The following PAPOLG variants were observed in gnomAD, a reference collection of about 807,000 sequenced individuals.
PAPOLG encodes the protein poly(A) polymerase gamma.
A neutral mutation model predicts 99.0 loss-of-function variants in PAPOLG; 40 were observed. The observed-to-expected ratio is 0.40, with a 90% CI of 0.31 to 0.53. The LOEUF is 0.53. PAPOLG is among the 20% of genes least tolerant of loss of function. The pLI is 0.41. For synonymous variants in PAPOLG, 310 were observed against 299.3 expected (o/e 1.04, Z -0.37); for missense variants, 675 against 884.1 (o/e 0.76, Z 3.00).
rs182835698 is a variant in PAPOLG, at chr2:60,797,092, T to C, written c.2143T>C (p.Ser715Pro). The C allele has an allele frequency of 1.2e-6, 2 of 1,613,308 alleles. No homozygotes were observed. Among genetic ancestry groups the C allele is most frequent in the Non-Finnish European group, 1.7e-6 (2 of 1,179,332 alleles). ...RLPSKELPDSSSPVPANNIRV... is the reference protein window; with the variant it reads ...RLPSKELPDSPSPVPANNIRV... ...ACCCAGTAAAGAACTACCAGATTCA[T>C]CATCTCCAGTTCCAGCAAACAACAT... Residue 715 changes from serine to proline, a missense_variant, in exon 22 of 22, where the codon TCA (serine) becomes CCA (proline). Coordinates refer to ENST00000238714, the MANE Select transcript of PAPOLG (RefSeq NM_022894.4).
intron 8 of PAPOLG, among the ~76,000 whole-genome samples, chr2:60,775,762 C>CT (rs56074091): frequency 3.3e-4 from 48 of 145,984 alleles, no homozygotes; most frequent in Non-Finnish European, 4.7e-4. Flanking sequence ...ATACTGTAGT[C>CT]TTTTTTTTTT....
chr2:60,789,092 C>A, intron 15 of PAPOLG, among the ~76,000 whole-genome samples: 1 of 151,992 alleles, frequency 6.6e-6, no homozygotes, highest in Non-Finnish European at 1.5e-5. Flanking sequence ...AAACCAAACA[C>A]CACATATTCT....
intron 6 of PAPOLG, 43 bp downstream of exon 6, chr2:60,770,554 A>C: frequency 7.7e-7 from 1 of 1,300,996 alleles, no homozygotes; most frequent in Non-Finnish European, 1.1e-6. Flanking sequence ...TGAACTGTTT[A>C]AACTTGTAAG....
chr2:60,787,558 T>C lies in PAPOLG; in HGVS notation c.1334T>C (p.Val445Ala). Reference protein sequence around the residue: ...MWFLGIIFRRVENAESVNIDL... With the variant: ...MWFLGIIFRRAENAESVNIDL... Reference sequence around the variant, plus strand: ...TTCCTTGGGATAATTTTTCGGAGAGTAGAAAATGCAGAAAGTGTCAACATA... The same window carrying C: ...TTCCTTGGGATAATTTTTCGGAGAGCAGAAAATGCAGAAAGTGTCAACATA... The change falls in exon 15 of 22, where the codon GTA becomes GCA. Residue 445 changes from valine to alanine, a missense_variant. Coordinates refer to ENST00000238714, the MANE Select transcript of PAPOLG (RefSeq NM_022894.4). 3 of 1,613,892 alleles carry C rather than the reference T, an allele frequency of 1.9e-6. No individual in the cohort carries two copies. The highest frequency in any genetic ancestry group is 2.2e-5 in the East Asian group (1 of 44,872).
At chr2:60,780,905 C>T (rs1332205732) in intron 10 of PAPOLG, 126 bp downstream of exon 10, 17 of 711,784 alleles carry the variant, frequency 2.4e-5, no homozygotes, top group East Asian at 2.6e-5. Flanking sequence ...TAGTCCCCTT[C>T]CTCCTTCTGC....
At chr2:60,795,651 AATAATTATAAATATATATGATG>A (rs1280803456) in intron 21 of PAPOLG, among the ~76,000 whole-genome samples, 99 of 150,704 alleles carry the variant, frequency 6.6e-4, no homozygotes, top group Non-Finnish European at 1.1e-3. Flanking sequence ...AATAATGATA[AATAATTATAAATATATATGATG>A]ATAATTATAA....
intron 11 of PAPOLG, among the ~76,000 whole-genome samples, chr2:60,782,292 C>T (rs1221596496): frequency 6.6e-6 from 1 of 152,010 alleles, no homozygotes; most frequent in Admixed American, 6.6e-5. Flanking sequence ...GTGGGCCGGG[C>T]GCGATGGCTC....
intron 21 of PAPOLG, among the ~76,000 whole-genome samples, chr2:60,796,249 G>T (rs1054316329): frequency 8.4e-6 from 1 of 119,036 alleles, no homozygotes; most frequent in Admixed American, 1.2e-4. Flanking sequence ...ATGGAGGCTC[G>T]CTCTGTAGCC....
intron 1 of PAPOLG, 52 bp downstream of exon 1, chr2:60,756,547 G>T: frequency 6.4e-7 from 1 of 1,551,242 alleles, no homozygotes; most frequent in South Asian, 1.2e-5. Flanking sequence ...GTGAGCTGAG[G>T]TGGTCCGACT....
chr2:60,798,597 A>G lies in PAPOLG; in HGVS notation c.*1437A>G, dbSNP rs1671780375. ...CCACCTTCTTTAGATTTCACTCAGCATTTAGTAGGTCCAGTAGGAAAAACC... is the reference window on the plus strand; with the variant it reads ...CCACCTTCTTTAGATTTCACTCAGCGTTTAGTAGGTCCAGTAGGAAAAACC... On this transcript the variant is annotated 3_prime_UTR_variant, in exon 22 of 22. Coordinates refer to ENST00000238714, the MANE Select transcript of PAPOLG (RefSeq NM_022894.4). 1 of 152,374 alleles carries G rather than the reference A, an allele frequency of 6.6e-6. No individual in the cohort carries two copies. The highest frequency in any genetic ancestry group is 2.1e-4 in the South Asian group (1 of 4,828). 9.4% of individuals were successfully genotyped at this position (152,374 alleles called of 1,614,324 possible).
In PAPOLG at chr2:60,771,554, C is replaced by T; in HGVS notation, c.528C>T (p.Thr176=). The T allele has an allele frequency of 3.1e-6, 5 of 1,605,510 alleles. No individual in the cohort carries two copies. The highest frequency in any genetic ancestry group is 4.2e-6 in the Non-Finnish European group (5 of 1,177,640). The change falls in exon 7 of 22, where the codon ACC becomes ACT. Residue 176 remains threonine, a synonymous_variant. Coordinates refer to ENST00000238714, the MANE Select transcript of PAPOLG (RefSeq NM_022894.4). ...TCTTTGCAAGACTGGCAATACAAAC[C>T]ATATCAGATAATTTAGATCTAAGAG... ...DLVFARLAIQ[T]ISDNLDLRDD...
At chr2:60,787,481 T>C in intron 14 of PAPOLG, 30 bp from the exon 15 acceptor site, 1 of 1,578,650 alleles carries the variant, frequency 6.3e-7, no homozygotes, top group Non-Finnish European at 8.6e-7. Context: ...TAATAATAAT[T>C]AATGGAAATT....
intron 3 of PAPOLG, among the ~76,000 whole-genome samples, chr2:60,766,694 A>G (rs1670685670): frequency 6.6e-6 from 1 of 151,338 alleles, no homozygotes; most frequent in Non-Finnish European, 1.5e-5. Flanking sequence ...AAAAAAAAAA[A>G]ACCCAAAAAA....
intron 15 of PAPOLG, among the ~76,000 whole-genome samples, chr2:60,790,554 A>G (rs1671500847): frequency 6.6e-6 from 1 of 152,248 alleles, no homozygotes; most frequent in African/African-American, 2.4e-5. Flanking sequence ...GTGAGTTAAT[A>G]AAACCCATTT....
In PAPOLG at chr2:60,761,796, A is replaced by G; in HGVS notation, c.235A>G (p.Ser79Gly). The G allele has an allele frequency of 3.1e-6, 5 of 1,592,754 alleles. No individual in the cohort carries two copies. Among genetic ancestry groups the G allele is most frequent in the Non-Finnish European group, 4.3e-6 (5 of 1,160,900 alleles). ...AGTAAAAGAATGGATTTCTGATGTC[A>G]GCGAGAGTAAGGTAAGACTCTAAAC... ...NLVKEWISDV[S>G]ESKNLPPSVV... The change falls in exon 3 of 22, where the codon AGC becomes GGC. Residue 79 changes from serine (S) to glycine (G), a missense_variant. Physicochemically the swap from Ser to Gly is moderately conservative, Grantham distance 56 (BLOSUM62 0). Transcript: ENST00000238714.
chr2:60,761,241 A>G (rs1446670098), intron 2 of PAPOLG, among the ~76,000 whole-genome samples: 1 of 152,202 alleles, frequency 6.6e-6, no homozygotes, highest in African/African-American at 2.4e-5. Flanking sequence ...TCTCTTCTAA[A>G]TGTGGATTCA....
At chr2:60,779,494 A>G (rs931922448) in intron 8 of PAPOLG, 143 bp from the exon 9 acceptor site, 5 of 912,910 alleles carry the variant, frequency 5.5e-6, no homozygotes, top group African/African-American at 3.4e-5. Context: ...TTTATAGGGG[A>G]AAATTTCCAA....
At chr2:60,784,721 A>G (rs1054438740) in intron 13 of PAPOLG, among the ~76,000 whole-genome samples, 1 of 152,238 alleles carries the variant, frequency 6.6e-6, no homozygotes, top group African/African-American at 2.4e-5. Flanking sequence ...CTATTTTTAT[A>G]AAGTTTTATT....
intron 4 of PAPOLG, 113 bp downstream of exon 4, chr2:60,768,664 G>A (rs566762876): frequency 5.3e-6 from 7 of 1,331,660 alleles, no homozygotes; most frequent in Admixed American, 4.7e-5. Context: ...GCTAATCATT[G>A]TTAACATTTT....
Sources: gnomAD v4.1 joint callset for allele counts (sites outside exome capture counted in the v4.1 genomes callset) on GRCh38, gnomAD v4.1.1 for gene constraint, MANE v1.5 for transcripts, NCBI Gene and HGNC (gene_info 2026-07-23, HGNC 2026-07-21) for gene names.